LEPROTL1: variants seen among roughly 807,000 people sequenced by gnomAD.
LEPROTL1 encodes the protein leptin receptor overlapping transcript like 1.
A neutral mutation model predicts 15.4 loss-of-function variants in LEPROTL1; 6 were observed. That is an observed-to-expected ratio of 0.39 (90% CI 0.21 to 0.77). LEPROTL1 has a LOEUF of 0.77. Among genes scored for constraint, LEPROTL1 ranks in the 30% least tolerant of loss-of-function variants. LEPROTL1 has a pLI of 0.41. For synonymous variants in LEPROTL1, 56 were observed against 52.6 expected (o/e 1.06, Z -0.28); for missense variants, 128 against 158.1 (o/e 0.81, Z 1.02).
Position 30,136,152 on chromosome 8 carries a change from C to T in LEPROTL1, c.395-1120C>T, listed in dbSNP as rs563332881. Among the ~76,000 whole-genome samples the T allele has an allele frequency of 4.6e-5, 7 of 152,294 alleles. No individual in the cohort carries two copies. In the East Asian group the frequency reaches 1.4e-3, roughly 29 times the overall value. ...ATGGACTGAATGTGCCCCCAAAATT[C>T]CTGTGCTTATGGTCTAACCCCAGTA... On this transcript the variant is annotated intron_variant, in intron 4 of 4. Transcript: ENST00000442880.
chr8:30,132,211 C>G (rs1261831577), intron 3 of LEPROTL1: 12 of 1,551,866 alleles, frequency 7.7e-6, no homozygotes, highest in Non-Finnish European at 9.6e-6. Flanking sequence ...GCAAACGAAA[C>G]CAAACACCTG....
intron 3 of LEPROTL1, among the ~76,000 whole-genome samples, chr8:30,118,214 T>C (rs1050997854): frequency 3.3e-5 from 5 of 151,718 alleles, no homozygotes; most frequent in African/African-American, 4.8e-5. Context: ...TAGTAGAGAC[T>C]GGGTTGGCCA....
chr8:30,116,057 A>T (rs762798983), intron 3 of LEPROTL1, among the ~76,000 whole-genome samples: 64 of 152,274 alleles, frequency 4.2e-4, no homozygotes, highest in Non-Finnish European at 7.2e-4. Flanking sequence ...CCTGGGCAAC[A>T]TGGCAAAACC....
intron 1 of LEPROTL1, among the ~76,000 whole-genome samples, chr8:30,096,797 G>A (rs1333649983): frequency 1.3e-5 from 2 of 152,148 alleles, no homozygotes; most frequent in African/African-American, 4.8e-5. Flanking sequence ...AGGTGCCTCA[G>A]GTGAACTGCA....
At chr8:30,097,671 CAAAA>C (rs72163652) in intron 1 of LEPROTL1, among the ~76,000 whole-genome samples, 1 of 29,390 alleles carries the variant, frequency 3.4e-5, no homozygotes, top group African/African-American at 8.2e-5. Flanking sequence ...GACTCTGTCT[CAAAA>C]AAAAAAAAAA....
intron 1 of LEPROTL1, among the ~76,000 whole-genome samples, chr8:30,097,671 C>CAAA (rs72163652): frequency 0.39 from 10,668 of 27,168 alleles, 2,717 homozygotes; most frequent in Non-Finnish European, 0.58. Flanking sequence ...GACTCTGTCT[C>CAAA]AAAAAAAAAA....
intron 4 of LEPROTL1, chr8:30,132,773 A>C: frequency 6.4e-7 from 1 of 1,551,750 alleles, no homozygotes; most frequent in East Asian, 2.4e-5. Flanking sequence ...AGTGCCTTAC[A>C]CACATGCTCA....
intron 3 of LEPROTL1, among the ~76,000 whole-genome samples, chr8:30,130,688 T>C (rs1802990192): frequency 6.6e-6 from 1 of 152,180 alleles, no homozygotes; most frequent in African/African-American, 2.4e-5. Flanking sequence ...TGTAAATAGT[T>C]ATCATGTGGG....
intron 2 of LEPROTL1, among the ~76,000 whole-genome samples, 197 bp downstream of exon 2, chr8:30,102,170 G>A (rs1802477319): frequency 6.6e-6 from 1 of 152,010 alleles, no homozygotes; most frequent in South Asian, 2.1e-4. Context: ...AATATTTTTG[G>A]CTGTTACCTG....
chr8:30,103,011 A>C (rs561504926), intron 2 of LEPROTL1, among the ~76,000 whole-genome samples: 1 of 152,290 alleles, frequency 6.6e-6, no homozygotes, highest in African/African-American at 2.4e-5. Context: ...GATGTTTACA[A>C]AGATATATTT....
intron 1 of LEPROTL1, among the ~76,000 whole-genome samples, chr8:30,096,870 A>G (rs1471040347): frequency 6.6e-6 from 1 of 152,138 alleles, no homozygotes; most frequent in African/African-American, 2.4e-5. Context: ...TCTTGGCCTA[A>G]TATCTTTATA....
At chr8:30,130,237 C>T (rs1478264194) in intron 3 of LEPROTL1, among the ~76,000 whole-genome samples, 1 of 152,088 alleles carries the variant, frequency 6.6e-6, no homozygotes, top group Non-Finnish European at 1.5e-5. Flanking sequence ...TTACACAGAA[C>T]ACAAATACAA....
chr8:30,129,614 A>C (rs963857559), intron 3 of LEPROTL1, among the ~76,000 whole-genome samples: 2 of 151,852 alleles, frequency 1.3e-5, no homozygotes, highest in Non-Finnish European at 2.9e-5. Flanking sequence ...GTGAGGCAGG[A>C]GAATCGCTTG....
chr8:30,125,019 A>G lies in LEPROTL1; in HGVS notation c.280-7356A>G, dbSNP rs77470644. ...GAATCCACTTAAGGCACTCGATGTA[A>G]CATATCCAGATTGGCCATGAAACTA... On this transcript the variant is annotated intron_variant, in intron 3 of 4. Transcript: ENST00000442880. Among the ~76,000 whole-genome samples the G allele has an allele frequency of 3.5e-4, 53 of 152,356 alleles. No individual in the cohort carries two copies. The East Asian group carries it at 8.5e-3, about 24-fold the overall frequency.
intron 1 of LEPROTL1, among the ~76,000 whole-genome samples, chr8:30,096,648 A>T (rs1802372234): frequency 6.6e-6 from 1 of 152,194 alleles, no homozygotes; most frequent in South Asian, 2.1e-4. Flanking sequence ...GTTATTGTGA[A>T]TTGCTGTGGT....
chr8:30,126,401 G>A (rs913530697), intron 3 of LEPROTL1, among the ~76,000 whole-genome samples: 5 of 152,078 alleles, frequency 3.3e-5, no homozygotes, highest in African/African-American at 1.2e-4. Flanking sequence ...GCTGCACGGG[G>A]GATTAAGTTT....
intron 3 of LEPROTL1, among the ~76,000 whole-genome samples, chr8:30,131,182 C>T (rs1209012878): frequency 6.6e-6 from 1 of 151,566 alleles, no homozygotes; most frequent in Non-Finnish European, 1.5e-5. Flanking sequence ...GCCTCAAACT[C>T]CTGGGCTCAA....
Position 30,095,920 on chromosome 8 carries a change from G to A in LEPROTL1, c.16+392G>A, listed in dbSNP as rs773398061. 4 of 695,362 alleles carry A rather than the reference G, an allele frequency of 5.8e-6. No homozygotes were observed. In the South Asian group the frequency reaches 6.0e-5, roughly 10 times the overall value. 43.1% of individuals were successfully genotyped at this position (695,362 alleles called of 1,614,324 possible). Reference sequence around the variant, plus strand: ...AGAGCGTGGGATTGAGAAGGCTGAGGCTGCTAGAGATGCCAGCTATGGAAA... The same window carrying A: ...AGAGCGTGGGATTGAGAAGGCTGAGACTGCTAGAGATGCCAGCTATGGAAA... On this transcript the variant is annotated intron_variant, in intron 1 of 3. Transcript: ENST00000321250.
chr8:30,123,063 G>C (rs1018461596), intron 3 of LEPROTL1, among the ~76,000 whole-genome samples: 1 of 152,198 alleles, frequency 6.6e-6, no homozygotes, highest in Non-Finnish European at 1.5e-5. Context: ...GGCAATTGGT[G>C]CTGGATGTCT....
Sources: allele counts gnomAD v4.1 joint callset (sites outside exome capture counted in the v4.1 genomes callset), GRCh38; gene constraint gnomAD v4.1.1; transcripts MANE v1.5; gene names NCBI Gene and HGNC (gene_info 2026-07-23, HGNC 2026-07-21).